Variants in ZNF407 observed in about 807,000 individuals in gnomAD.
ZNF407 encodes the protein zinc finger protein 407.
In ZNF407, 17 loss-of-function variants were observed where a neutral mutation model predicts 131.2. The ratio of observed to expected loss-of-function variants is 0.13; its 90% CI spans 0.09 to 0.19. ZNF407 has a LOEUF of 0.19. ZNF407 is among the 10% of genes least tolerant of loss of function. ZNF407 has a pLI of 1.00. For missense variants in ZNF407, 2,681 were observed against 2,830.6 expected (o/e 0.95, Z 1.20); for synonymous variants, 1,156 against 1,062.0 (o/e 1.09, Z -1.72).
chr18:74,619,832 A>G (rs1024455454), intron 1 of ZNF407, among the ~76,000 whole-genome samples: 3 of 152,242 alleles, frequency 2.0e-5, no homozygotes, highest in East Asian at 1.9e-4. Context: ...AAAATTCATT[A>G]TAATGTCTTT....
intron 8 of ZNF407, among the ~76,000 whole-genome samples, chr18:75,037,075 C>T (rs1438104039): frequency 6.6e-6 from 1 of 152,174 alleles, no homozygotes; most frequent in Admixed American, 6.5e-5. Context: ...CACAGACATC[C>T]AGATGAAAAG....
At chr18:74,712,345 TG>T (rs1967786162) in intron 3 of ZNF407, among the ~76,000 whole-genome samples, 1 of 152,264 alleles carries the variant, frequency 6.6e-6, no homozygotes, top group Non-Finnish European at 1.5e-5. Flanking sequence ...TATGTGTATA[TG>T]TGCTTAGAAA....
intron 3 of ZNF407, among the ~76,000 whole-genome samples, chr18:74,726,696 A>C (rs1036155394): frequency 3.9e-5 from 6 of 152,226 alleles, no homozygotes; most frequent in Non-Finnish European, 5.9e-5. Flanking sequence ...AGCAATCCTA[A>C]TTCAGCTAGA....
At chr18:74,704,108 G>A (rs1967565890) in intron 3 of ZNF407, among the ~76,000 whole-genome samples, 1 of 152,138 alleles carries the variant, frequency 6.6e-6, no homozygotes, top group Non-Finnish European at 1.5e-5. Context: ...GTCAGGCATG[G>A]CCATGAGGAG....
chr18:74,687,320 C>CCT (rs1482600189), intron 3 of ZNF407, among the ~76,000 whole-genome samples: 2 of 152,148 alleles, frequency 1.3e-5, no homozygotes, highest in Non-Finnish European at 2.9e-5. Context: ...TGCACTGCAG[C>CCT]CTGGGCAACA....
chr18:75,059,805 A>C (rs1458462709), intron 8 of ZNF407, among the ~76,000 whole-genome samples: 5 of 152,186 alleles, frequency 3.3e-5, no homozygotes, highest in Non-Finnish European at 7.3e-5. Flanking sequence ...AAAGTTTACA[A>C]GACAACCATG....
At chr18:74,645,096 A>AT (rs1297466055) in intron 3 of ZNF407, among the ~76,000 whole-genome samples, 2 of 148,950 alleles carry the variant, frequency 1.3e-5, no homozygotes, top group Admixed American at 6.6e-5. Context: ...AAATAGTTTT[A>AT]TTTTTTCCCA....
intron 4 of ZNF407, among the ~76,000 whole-genome samples, chr18:74,811,086 C>T (rs1232511111): frequency 3.9e-5 from 6 of 152,072 alleles, no homozygotes; most frequent in East Asian, 3.9e-4. Context: ...AGTGAACAGG[C>T]AACCTACAAA....
At position 74,632,310 on chromosome 18, in the gene ZNF407, A is replaced by C; in HGVS notation, c.1291A>C (p.Ser431Arg). 1 of 1,614,010 alleles carries C rather than the reference A, an allele frequency of 6.2e-7. No individual in the cohort carries two copies. The highest frequency in any genetic ancestry group is 8.5e-7 in the Non-Finnish European group (1 of 1,179,900). Reference protein sequence around the residue: ...LVLGNSFRRRSSTFTLKGQAK... With the variant: ...LVLGNSFRRRRSTFTLKGQAK... ...GTTGGGTAATAGCTTTCGTCGACGA[A>C]GCAGCACTTTCACCTTGAAGGGCCA... Residue 431 changes from serine (S) to arginine (R), a missense_variant, in exon 2 of 9, where the codon AGC becomes CGC. Ser to Arg is a moderately radical substitution (Grantham distance 110). Coordinates refer to ENST00000299687, the MANE Select transcript of ZNF407 (RefSeq NM_017757.3).
rs763344710 is a variant in ZNF407, at chr18:74,631,721, C to G, written c.702C>G (p.Ile234Met). The G allele has an allele frequency of 2.5e-6, 4 of 1,614,026 alleles. No homozygotes were observed. The South Asian group carries it at 3.3e-5, about 13-fold the overall frequency. Residue 234 changes from isoleucine to methionine, a missense_variant, in exon 2 of 9, where the codon ATC becomes ATG. By Grantham distance (10) the Ile-to-Met change is conservative. Coordinates refer to ENST00000299687, the MANE Select transcript of ZNF407 (RefSeq NM_017757.3). ...AESSSALHMH[I>M]KQAHGPQKVF... ...GCAGCTCAGCACTACATATGCATAT[C>G]AAACAAGCACATGGGCCACAGAAGG...
chr18:74,627,226 T>C (rs895132947), intron 1 of ZNF407, among the ~76,000 whole-genome samples: 1 of 152,214 alleles, frequency 6.6e-6, no homozygotes, highest in African/African-American at 2.4e-5. Context: ...CTGCCCTGGG[T>C]TGGACAATGT....
intron 8 of ZNF407, among the ~76,000 whole-genome samples, chr18:75,018,524 A>G (rs1973071115): frequency 6.6e-6 from 1 of 152,020 alleles, no homozygotes; most frequent in African/African-American, 2.4e-5. Context: ...ACAATCCACA[A>G]TGTCATAACA....
At chr18:75,060,575 G>A (rs578246558) in intron 8 of ZNF407, among the ~76,000 whole-genome samples, 20 of 140,830 alleles carry the variant, frequency 1.4e-4, no homozygotes, top group South Asian at 4.4e-4. Flanking sequence ...GCGCGGTCTC[G>A]GCTCACTGCG....
intron 8 of ZNF407, among the ~76,000 whole-genome samples, chr18:74,938,742 A>G (rs1254801968): frequency 6.6e-6 from 1 of 152,228 alleles, no homozygotes; most frequent in Non-Finnish European, 1.5e-5. Context: ...TGACCCATAG[A>G]CTAAAGCAGA....
chr18:74,974,828 A>G (rs1972510462), intron 8 of ZNF407, among the ~76,000 whole-genome samples: 1 of 152,220 alleles, frequency 6.6e-6, no homozygotes, highest in African/African-American at 2.4e-5. Context: ...TATCCTATGT[A>G]TACAGTACAT....
intron 3 of ZNF407, among the ~76,000 whole-genome samples, chr18:74,677,610 C>T (rs1055908216): frequency 2.0e-5 from 3 of 152,020 alleles, no homozygotes; most frequent in Admixed American, 6.5e-5. Context: ...ACATAGTTGT[C>T]GCAGAGACCT....
Position 74,631,954 on chromosome 18 carries a change from C to A in ZNF407, c.935C>A (p.Ala312Glu). 2 of 1,613,936 alleles carry A rather than the reference C, an allele frequency of 1.2e-6. No homozygotes were observed. The highest frequency in any genetic ancestry group is 1.7e-6 in the Non-Finnish European group (2 of 1,179,888). The change falls in exon 2 of 9, where the codon GCA becomes GAA. Residue 312 changes from alanine (A) to glutamate (E), a missense_variant. Ala to Glu is a moderately radical substitution (Grantham distance 107). This residue lies in a region of ZNF407 where 1,789 missense variants were observed against 1,748.7 expected (regional missense o/e 1.02). Coordinates refer to ENST00000299687, the MANE Select transcript of ZNF407 (RefSeq NM_017757.3). ...AAACCAAGAACTTCTAAATCAATAG[C>A]AAAGAATAGTGATTCAAAAGGATTA... is the stretch of plus-strand genomic sequence containing the variant. ...HSKPRTSKSI[A>E]KNSDSKGLRN...
intron 7 of ZNF407, among the ~76,000 whole-genome samples, chr18:74,916,245 A>G (rs368998685): frequency 3.3e-3 from 193 of 58,494 alleles, no homozygotes; most frequent in Non-Finnish European, 3.6e-3. Context: ...GGTATGGTGA[A>G]GTTGTGTGAA....
chr18:74,942,685 C>T (rs1972113145), intron 8 of ZNF407, among the ~76,000 whole-genome samples: 1 of 152,138 alleles, frequency 6.6e-6, no homozygotes, highest in Non-Finnish European at 1.5e-5. Flanking sequence ...CTGAGTCTGT[C>T]TGCCTTGGTG....
Sources: allele counts gnomAD v4.1 joint callset (sites outside exome capture counted in the v4.1 genomes callset), GRCh38; gene constraint gnomAD v4.1.1; regional missense constraint gnomAD v4.1.1; transcripts MANE v1.5; gene names NCBI Gene and HGNC (gene_info 2026-07-23, HGNC 2026-07-21).